Variants in CDK14 observed in about 807,000 individuals in gnomAD.
The protein encoded by CDK14 is cyclin-dependent kinase 14.
In CDK14, 34 loss-of-function variants were observed where a neutral mutation model predicts 60.7. That is an observed-to-expected ratio of 0.56 (90% CI 0.43 to 0.75). The LOEUF (loss-of-function observed/expected upper bound fraction) is 0.75. Ranked by LOEUF, CDK14 falls within the 30% of genes least tolerant of loss-of-function variation. The pLI is 0.00. For missense variants in CDK14, 482 were observed against 564.1 expected, an observed-to-expected ratio of 0.85 and a Z score of 1.47; for synonymous variants, 197 against 203.7, an observed-to-expected ratio of 0.97 and a Z score of 0.28.
chr7:90,957,250 A>G (rs1232176977), intron 9 of CDK14, among the ~76,000 whole-genome samples: 1 of 151,900 alleles, frequency 6.6e-6, no homozygotes, highest in Non-Finnish European at 1.5e-5. Flanking sequence ...AAGTGTTCCT[A>G]TTTCTCCACA....
intron 14 of CDK14, among the ~76,000 whole-genome samples, chr7:91,183,002 A>G (rs570910253): frequency 3.3e-5 from 5 of 152,208 alleles, no homozygotes; most frequent in Non-Finnish European, 7.3e-5. Context: ...AGTAAACACC[A>G]GCTCTGAGAG....
Position 91,118,195 on chromosome 7 carries a change from T to C in CDK14, c.*15T>C. On this transcript the variant is annotated 3_prime_UTR_variant, in exon 14 of 15. Coordinates refer to ENST00000380050, the MANE Select transcript of CDK14 (RefSeq NM_001287135.2). ...GCAAGCACTGACAAGCAGCACATTC[T>C]CAAGAGCACACAGGTAAGAGGACCT... 6.7e-7 allele frequency: 1 copy of C among 1,495,662 alleles called. No homozygotes were observed. Among genetic ancestry groups the C allele is most frequent in the Non-Finnish European group, 9.3e-7 (1 of 1,073,036 alleles). 92.6% of individuals were successfully genotyped at this position (1,495,662 alleles called of 1,614,324 possible).
chr7:90,876,497 A>T (rs1327692922), intron 6 of CDK14, among the ~76,000 whole-genome samples: 1 of 152,182 alleles, frequency 6.6e-6, no homozygotes, highest in Non-Finnish European at 1.5e-5. Flanking sequence ...CCATATATAG[A>T]CTTTCAACTC....
chr7:91,138,850 G>A (rs117543812), intron 14 of CDK14, among the ~76,000 whole-genome samples: 1,764 of 152,126 alleles, frequency 0.012, 14 homozygotes, highest in Admixed American at 0.021. Flanking sequence ...TGGGCCCTGG[G>A]CGTAAATTGG....
At chr7:91,080,142 G>T (rs1159443704) in intron 12 of CDK14, among the ~76,000 whole-genome samples, 3 of 152,120 alleles carry the variant, frequency 2.0e-5, no homozygotes, top group Non-Finnish European at 4.4e-5. Flanking sequence ...ACATTTCAAG[G>T]TTTATGCTGG....
chr7:91,187,105 T>G (rs1367477145), intron 14 of CDK14, among the ~76,000 whole-genome samples: 4 of 152,270 alleles, frequency 2.6e-5, no homozygotes, highest in African/African-American at 9.6e-5. Context: ...TTTAATTCAT[T>G]TAAACATGAT....
intron 8 of CDK14, among the ~76,000 whole-genome samples, chr7:90,925,101 T>C (rs1793376494): frequency 6.6e-6 from 1 of 152,202 alleles, no homozygotes; most frequent in Admixed American, 6.5e-5. Flanking sequence ...ATCAAGTTTA[T>C]AGGCCTAAAA....
intron 2 of CDK14, among the ~76,000 whole-genome samples, chr7:90,654,820 T>C (rs1381030730): frequency 6.6e-6 from 1 of 152,208 alleles, no homozygotes; most frequent in Non-Finnish European, 1.5e-5. Flanking sequence ...TGAACCAAGA[T>C]TGACTCACTA....
At chr7:91,104,222 G>C (rs1799223415) in intron 12 of CDK14, among the ~76,000 whole-genome samples, 1 of 151,954 alleles carries the variant, frequency 6.6e-6, no homozygotes, top group Admixed American at 6.6e-5. Flanking sequence ...CCACCAACCT[G>C]ATGGGCCCAG....
At chr7:91,099,701 A>G (rs1799100941) in intron 12 of CDK14, among the ~76,000 whole-genome samples, 1 of 152,160 alleles carries the variant, frequency 6.6e-6, no homozygotes, top group Admixed American at 6.5e-5. Context: ...TGTATCCAGA[A>G]GTTGGAAAGG....
intron 5 of CDK14, among the ~76,000 whole-genome samples, chr7:90,844,417 C>T (rs963307932): frequency 2.0e-5 from 3 of 152,084 alleles, no homozygotes; most frequent in Non-Finnish European, 2.9e-5. Flanking sequence ...ATACTGTGTT[C>T]GTCTGGAACA....
At chr7:90,829,618 G>A (rs527979702) in intron 5 of CDK14, among the ~76,000 whole-genome samples, 129 of 151,794 alleles carry the variant, frequency 8.5e-4, no homozygotes, top group African/African-American at 3.0e-3. Context: ...GGCAACCTCC[G>A]CCCCCCCAGG....
intron 6 of CDK14, among the ~76,000 whole-genome samples, chr7:90,883,278 C>T (rs1046975369): frequency 2.6e-5 from 4 of 152,128 alleles, no homozygotes; most frequent in Non-Finnish European, 5.9e-5. Flanking sequence ...ACCACTGACC[C>T]CACAGAAATA....
intron 14 of CDK14, among the ~76,000 whole-genome samples, chr7:91,150,896 G>T (rs545904001): frequency 6.6e-6 from 1 of 152,234 alleles, no homozygotes; most frequent in African/African-American, 2.4e-5. Context: ...CTGAAAGATA[G>T]ATCTGAATCA....
chr7:91,137,283 A>G (rs1800308068), intron 14 of CDK14, among the ~76,000 whole-genome samples: 1 of 151,940 alleles, frequency 6.6e-6, no homozygotes, highest in Non-Finnish European at 1.5e-5. Flanking sequence ...ACCTGAATAT[A>G]CCTCTTTGTT....
At chr7:90,995,136 A>C (rs375567049) in intron 10 of CDK14, among the ~76,000 whole-genome samples, 49 of 152,274 alleles carry the variant, frequency 3.2e-4, no homozygotes, top group African/African-American at 1.2e-3. Flanking sequence ...AAATGATGGG[A>C]TATCACTTCT....
At chr7:91,112,852 TGGAG>T (rs926792869) in intron 13 of CDK14, among the ~76,000 whole-genome samples, 171 bp downstream of exon 13, 15 of 143,764 alleles carry the variant, frequency 1.0e-4, no homozygotes, top group African/African-American at 3.7e-4. Context: ...TGTGTATGTG[TGGAG>T]AGAGAGAGAG....
At chr7:91,091,797 G>A (rs1198623278) in intron 12 of CDK14, among the ~76,000 whole-genome samples, 8 of 105,750 alleles carry the variant, frequency 7.6e-5, no homozygotes, top group Admixed American at 2.9e-4. Context: ...GTAATCAGAT[G>A]AGTTTTTTTT....
intron 8 of CDK14, among the ~76,000 whole-genome samples, chr7:90,936,170 A>T (rs967899376): frequency 1.3e-5 from 2 of 150,166 alleles, no homozygotes; most frequent in African/African-American, 5.0e-5. Context: ...TTTCTGTTTT[A>T]AAAAAAAGTT....
Sources: gnomAD v4.1 joint callset for allele counts (sites outside exome capture counted in the v4.1 genomes callset) on GRCh38, gnomAD v4.1.1 for gene constraint, MANE v1.5 for transcripts, NCBI Gene and HGNC (gene_info 2026-07-23, HGNC 2026-07-21) for gene names.